ARHGAP25: variants seen among roughly 807,000 people sequenced by gnomAD.
ARHGAP25 encodes the protein rho GTPase-activating protein 25.
Under a neutral mutation model 71.0 loss-of-function variants are expected in ARHGAP25, and 34 were observed. The ratio of observed to expected loss-of-function variants is 0.48; its 90% CI spans 0.36 to 0.64. ARHGAP25 has a LOEUF of 0.64. Ranked by LOEUF, ARHGAP25 falls within the 30% of genes least tolerant of loss-of-function variation. ARHGAP25 has a pLI of 0.00. For synonymous variants in ARHGAP25, 282 were observed against 296.5 expected (o/e 0.95, Z 0.50); for missense variants, 706 against 805.1 (o/e 0.88, Z 1.49).
intron 4 of ARHGAP25, 80 bp from the exon 5 acceptor site, chr2:68,807,193 C>G: frequency 7.1e-7 from 1 of 1,402,642 alleles, no homozygotes; most frequent in East Asian, 2.3e-5. Context: ...TGTGAAGACA[C>G]AGGTGACACA....
At chr2:68,728,322 A>G (rs1674930379) in intron 2 of ARHGAP25, among the ~76,000 whole-genome samples, 1 of 152,208 alleles carries the variant, frequency 6.6e-6, no homozygotes, top group African/African-American at 2.4e-5. Context: ...ATAAAAAAAG[A>G]CTGATGATAA....
chr2:68,821,092 C>CTTTTTTTTTTTTTTTTTT (rs34119311), intron 9 of ARHGAP25, among the ~76,000 whole-genome samples: 8 of 99,452 alleles, frequency 8.0e-5, no homozygotes, highest in East Asian at 3.3e-4. Flanking sequence ...CTTTTTCTTT[C>CTTTTTTTTTTTTTTTTTT]TTTTTTTTTT....
intron 8 of ARHGAP25, 122 bp from the exon 9 acceptor site, chr2:68,819,001 G>A (rs1311517307): frequency 1.3e-6 from 1 of 789,086 alleles, no homozygotes; most frequent in African/African-American, 1.7e-5. Context: ...GAAGCAAAAT[G>A]AGGCCCTTCT....
intron 1 of ARHGAP25, among the ~76,000 whole-genome samples, chr2:68,755,374 C>T (rs1676414053): frequency 6.6e-6 from 1 of 152,086 alleles, no homozygotes; most frequent in Non-Finnish European, 1.5e-5. Context: ...GAGAAAAGTG[C>T]TGGAAGATTG....
chr2:68,764,452 A>AAGGGAGGG (rs926472438), intron 1 of ARHGAP25, among the ~76,000 whole-genome samples: 19 of 152,294 alleles, frequency 1.2e-4, no homozygotes, highest in African/African-American at 4.3e-4. Context: ...TTAAGGGGTT[A>AAGGGAGGG]AGGGAGGGTA....
chr2:68,715,810 A>G (rs1370253419), intron 2 of ARHGAP25, among the ~76,000 whole-genome samples: 1 of 152,196 alleles, frequency 6.6e-6, no homozygotes, highest in Non-Finnish European at 1.5e-5. Flanking sequence ...ACACAGTTCC[A>G]TTCTGGAACT....
At chr2:68,763,457 C>T (rs879527069) in intron 1 of ARHGAP25, among the ~76,000 whole-genome samples, 6 of 152,120 alleles carry the variant, frequency 3.9e-5, no homozygotes, top group Non-Finnish European at 7.4e-5. Context: ...CAGAGCGTTC[C>T]TTCAATTCTT....
intron 5 of ARHGAP25, among the ~76,000 whole-genome samples, chr2:68,809,903 C>T (rs1351937747): frequency 6.6e-6 from 1 of 152,154 alleles, no homozygotes; most frequent in Non-Finnish European, 1.5e-5. Flanking sequence ...ACTTTAAAAT[C>T]TCCTTGCCAA....
rs1243057796 is a variant in ARHGAP25, at chr2:68,767,690, G to A, written c.62-7531G>A. Among the ~76,000 whole-genome samples the A allele has an allele frequency of 2.0e-5, 3 of 152,184 alleles. No homozygotes were observed. The highest frequency in any genetic ancestry group is 3.2e-3 in the Middle Eastern group (1 of 316). ...GAGCTTGGGTAGCAGCTGGTAAGAC[G>A]TGGCAGGATTACCTAATATGTCCGT... On this transcript the variant is annotated intron_variant, in intron 1 of 10. Coordinates refer to ENST00000409202, the MANE Select transcript of ARHGAP25 (RefSeq NM_001007231.3). This position sits in a 1 kb window ranked among gnomAD's most constrained non-coding sequence, Gnocchi z 4.6.
At chr2:68,774,488 G>A (rs893772971) in intron 1 of ARHGAP25, among the ~76,000 whole-genome samples, 1 of 152,238 alleles carries the variant, frequency 6.6e-6, no homozygotes, top group Non-Finnish European at 1.5e-5. Context: ...TCTATTGGCA[G>A]TGACGATCTA....
chr2:68,746,711 C>T (rs899993437), intron 1 of ARHGAP25, among the ~76,000 whole-genome samples: 1 of 143,848 alleles, frequency 7.0e-6, no homozygotes, highest in Non-Finnish European at 1.5e-5. Context: ...CCACCCCCCT[C>T]CCCATCCCCA....
In ARHGAP25 at chr2:68,758,725, T is replaced by C. The variant is rs184228520; in HGVS notation, c.62-16496T>C. Among the ~76,000 whole-genome samples the C allele has an allele frequency of 3.0e-4, 45 of 151,792 alleles. 1 individual carries two copies. Among genetic ancestry groups the C allele is most frequent in the African/African-American group, 1.0e-3 (42 of 41,468 alleles). On this transcript the variant is annotated intron_variant, in intron 1 of 10. Transcript: ENST00000409202. ...ACCAGACAGAAGATAAGTGAAGAAA[T>C]AGAGGACTTGAACAACACAATAAAC... is the stretch of plus-strand genomic sequence containing the variant.
chr2:68,732,432 T>C (rs1334147165), upstream of ARHGAP25, among the ~76,000 whole-genome samples: 2 of 152,246 alleles, frequency 1.3e-5, no homozygotes, highest in African/African-American at 2.4e-5. Context: ...GAGATGCTGC[T>C]GGGCCGGGCC....
intron 3 of ARHGAP25, among the ~76,000 whole-genome samples, chr2:68,787,120 T>G (rs1427511095): frequency 1.3e-5 from 2 of 152,210 alleles, no homozygotes; most frequent in East Asian, 3.8e-4. Flanking sequence ...TTTCCCACAT[T>G]CTTTCTCTTC....
At chr2:68,712,844 C>G (rs1181150775) in intron 2 of ARHGAP25, among the ~76,000 whole-genome samples, 1 of 152,096 alleles carries the variant, frequency 6.6e-6, no homozygotes, top group Admixed American at 6.5e-5. Flanking sequence ...TTCCTGAGGA[C>G]TCTGTTCTGT....
At chr2:68,786,265 T>C (rs1678754625) in intron 3 of ARHGAP25, among the ~76,000 whole-genome samples, 1 of 152,138 alleles carries the variant, frequency 6.6e-6, no homozygotes, top group Non-Finnish European at 1.5e-5. Flanking sequence ...TTTAACAACA[T>C]AGTAGACTGG....
At chr2:68,815,836 CG>C (rs1246761851) in intron 6 of ARHGAP25, among the ~76,000 whole-genome samples, 1 of 152,080 alleles carries the variant, frequency 6.6e-6, no homozygotes, top group Non-Finnish European at 1.5e-5. Context: ...CTCTGTGTCC[CG>C]GCATGTCTCA....
intron 5 of ARHGAP25, among the ~76,000 whole-genome samples, chr2:68,810,023 C>T (rs978032936): frequency 1.3e-5 from 2 of 151,910 alleles, no homozygotes; most frequent in African/African-American, 4.8e-5. Context: ...CATCAATGCC[C>T]CCAGGGAAGG....
intron 1 of ARHGAP25, among the ~76,000 whole-genome samples, chr2:68,762,485 C>A (rs1187955402): frequency 1.3e-5 from 2 of 152,102 alleles, no homozygotes; most frequent in Non-Finnish European, 2.9e-5. Flanking sequence ...CATTTTTCAT[C>A]TTCAAAAGCT....
Sources: gnomAD v4.1 joint callset for allele counts (sites outside exome capture counted in the v4.1 genomes callset) on GRCh38, gnomAD v4.1.1 for gene constraint, Gnocchi (gnomAD v3.1) non-coding constraint, MANE v1.5 for transcripts, NCBI Gene and HGNC (gene_info 2026-07-23, HGNC 2026-07-21) for gene names.